Variants in TMED5 observed in about 807,000 individuals in gnomAD.
TMED5 encodes transmembrane p24 trafficking protein 5.
A neutral mutation model predicts 23.0 loss-of-function variants in TMED5; 27 were observed. The observed-to-expected ratio is 1.17, with a 90% CI of 0.86 to 1.62. TMED5 has a LOEUF of 1.62. Ranked by LOEUF, TMED5 falls within the 40% of genes most tolerant of loss-of-function variation. The pLI, the probability that TMED5 is intolerant of heterozygous loss-of-function variation, is 0.00. For synonymous variants in TMED5, 97 were observed against 100.8 expected (o/e 0.96, Z 0.23); for missense variants, 248 against 273.7 (o/e 0.91, Z 0.66).
intron 1 of TMED5, among the ~76,000 whole-genome samples, chr1:93,165,215 T>C (rs949734416): frequency 6.6e-6 from 1 of 152,210 alleles, no homozygotes; most frequent in Non-Finnish European, 1.5e-5. Context: ...TGGCAGAAAC[T>C]AAAGCTAGTA....
At position 93,149,910 on chromosome 1, in the gene TMED5, G is replaced by C. The variant is rs1330480343; in HGVS notation, c.*4760C>G. The C allele has an allele frequency of 1.3e-5, 2 of 152,154 alleles. No individual in the cohort carries two copies. The highest frequency in any genetic ancestry group is 1.5e-5 in the Non-Finnish European group (1 of 68,036). 9.4% of individuals were successfully genotyped at this position (152,154 alleles called of 1,614,324 possible). A position where few individuals can be genotyped will look rare whatever the true frequency, so the allele number is the denominator to read the frequency against. Reference sequence around the variant, plus strand: ...CTCACGCCTGTAATCTCAGCACTTGGGAAGTTGAGGCGGGCACATCACTTG... The same window carrying C: ...CTCACGCCTGTAATCTCAGCACTTGCGAAGTTGAGGCGGGCACATCACTTG... On this transcript the variant is annotated 3_prime_UTR_variant, in exon 4 of 4. Coordinates refer to ENST00000370282, the MANE Select transcript of TMED5 (RefSeq NM_016040.5).
chr1:93,178,972 C>T (rs1046499472), intron 1 of TMED5, among the ~76,000 whole-genome samples: 3 of 152,288 alleles, frequency 2.0e-5, no homozygotes, highest in African/African-American at 7.2e-5. Context: ...TCGGAATTTG[C>T]TGTGGAACGA....
intron 1 of TMED5, among the ~76,000 whole-genome samples, chr1:93,178,568 C>G (rs926777182): frequency 6.6e-6 from 1 of 152,068 alleles, no homozygotes; most frequent in African/African-American, 2.4e-5. Flanking sequence ...TACCTACATC[C>G]CGCACAACCC....
intron 1 of TMED5, among the ~76,000 whole-genome samples, chr1:93,170,760 C>CT (rs1388551163): frequency 6.6e-6 from 1 of 152,218 alleles, no homozygotes; most frequent in Non-Finnish European, 1.5e-5. Flanking sequence ...AATCAGCACT[C>CT]TGTGTCTAGC....
At chr1:93,168,630 T>G (rs1325957404) in intron 1 of TMED5, among the ~76,000 whole-genome samples, 2 of 151,936 alleles carry the variant, frequency 1.3e-5, no homozygotes, top group Non-Finnish European at 2.9e-5. Flanking sequence ...GGTCAGGAGA[T>G]TGAGACCATC....
At position 93,151,373 on chromosome 1, in the gene TMED5, A is replaced by G. The variant is rs766262978; in HGVS notation, c.*3297T>C. The G allele has an allele frequency of 1.3e-5, 2 of 152,208 alleles. No individual in the cohort carries two copies. Among genetic ancestry groups the G allele is most frequent in the Non-Finnish European group, 2.9e-5 (2 of 68,042 alleles). 9.4% of individuals were successfully genotyped at this position (152,208 alleles called of 1,614,324 possible). A position where few individuals can be genotyped will look rare whatever the true frequency, so the allele number is the denominator to read the frequency against. Reference sequence around the variant, plus strand: ...TTCCTATATGCTAACAAGTTTTAAGATGTTTCTGAACAAGTTTTAAAATAT... The same window carrying G: ...TTCCTATATGCTAACAAGTTTTAAGGTGTTTCTGAACAAGTTTTAAAATAT... On this transcript the variant is annotated 3_prime_UTR_variant, in exon 4 of 4. Coordinates refer to ENST00000370282, the MANE Select transcript of TMED5 (RefSeq NM_016040.5).
At chr1:93,158,874 C>T (rs1258190333) in intron 2 of TMED5, 5 of 948,164 alleles carry the variant, frequency 5.3e-6, no homozygotes, top group Non-Finnish European at 6.3e-6. Context: ...CCCATTTTTA[C>T]TTCTTATACA....
rs1311769890 is a variant in TMED5 at position 93,154,527 on chromosome 1, T to A, written c.*143A>T. The A allele has an allele frequency of 4.9e-5, 31 of 628,904 alleles. No homozygotes were observed. Among genetic ancestry groups the A allele is most frequent in the Non-Finnish European group, 7.9e-5 (29 of 365,530 alleles). The allele number at this position is 628,904 out of a possible 1,614,324, so 39.0% of individuals were successfully genotyped here. A position where few individuals can be genotyped will look rare whatever the true frequency, so the allele number is the denominator to read the frequency against. Reference sequence around the variant, plus strand: ...GATTACTTGCACAGAAAGTGAAGACTTAATTTTCACATTAAAATTATACCT... The same window carrying A: ...GATTACTTGCACAGAAAGTGAAGACATAATTTTCACATTAAAATTATACCT... On this transcript the variant is annotated 3_prime_UTR_variant, in exon 4 of 4. Coordinates refer to ENST00000370282, the MANE Select transcript of TMED5 (RefSeq NM_016040.5).
At chr1:93,170,944 G>A (rs993958860) in intron 1 of TMED5, among the ~76,000 whole-genome samples, 6 of 152,162 alleles carry the variant, frequency 3.9e-5, no homozygotes, top group Non-Finnish European at 7.4e-5. Context: ...ACCAATCAGC[G>A]AAATGTGGGT....
At chr1:93,177,185 T>C (rs1439714953) in intron 1 of TMED5, among the ~76,000 whole-genome samples, 1 of 152,150 alleles carries the variant, frequency 6.6e-6, no homozygotes, top group Non-Finnish European at 1.5e-5. Context: ...TGGAAGATGA[T>C]AGTTACCCTA....
At chr1:93,156,928 G>T (rs1304400855) in intron 2 of TMED5, among the ~76,000 whole-genome samples, 2 of 151,892 alleles carry the variant, frequency 1.3e-5, no homozygotes, top group East Asian at 3.8e-4. Flanking sequence ...AATTTCTTGG[G>T]AAAGAAGCAA....
chr1:93,178,425 G>A (rs79579205), intron 1 of TMED5, among the ~76,000 whole-genome samples: 3,786 of 152,134 alleles, frequency 0.025, 133 homozygotes, highest in African/African-American at 0.081. Context: ...ATTTTCTCCA[G>A]GAATCCTCTT....
rs761144931 is a variant in TMED5, at chr1:93,160,227, C to G, written c.190-1G>C. 1 of 1,593,458 alleles carries G rather than the reference C, an allele frequency of 6.3e-7. No homozygotes were observed. Among genetic ancestry groups the G allele is most frequent in the East Asian group, 2.2e-5 (1 of 44,684 alleles). On this transcript the variant is annotated splice_acceptor_variant, in intron 1 of 3. Transcript: ENST00000370282. LOFTEE classifies it high-confidence loss of function. ...TATCTAATCCTGCTCCATCTAAAAC[C>G]TGTAGAAAAGCATACATGAGAAAAA...
chr1:93,179,969 C>A, intron 1 of TMED5, 85 bp downstream of exon 1: 1 of 1,408,788 alleles, frequency 7.1e-7, no homozygotes, highest in Non-Finnish European at 9.6e-7. Context: ...CAGGGCCGTC[C>A]ACCAGAAGTT....
At chr1:93,155,908 GT>G in intron 3 of TMED5, 1 of 509,584 alleles carries the variant, frequency 2.0e-6, no homozygotes. Context: ...AACACCCAAT[GT>G]TTTAATACCA....
intron 1 of TMED5, among the ~76,000 whole-genome samples, chr1:93,175,175 T>TTTTATATATA (rs1553160148): frequency 4.2e-5 from 5 of 119,840 alleles, no homozygotes; most frequent in Non-Finnish European, 6.4e-5. Flanking sequence ...TAAAAGCCAT[T>TTTTATATATA]TATATATATA....
At position 93,172,194 on chromosome 1, in the gene TMED5, T is replaced by C. The variant is rs534678597; in HGVS notation, c.189+7860A>G. Among the ~76,000 whole-genome samples, 7 of 152,146 alleles carry C rather than the reference T, an allele frequency of 4.6e-5. No homozygotes were observed. The East Asian group carries it at 1.4e-3, about 29-fold the overall frequency. On this transcript the variant is annotated intron_variant, in intron 1 of 3. Transcript: ENST00000370282. Reference sequence around the variant, plus strand: ...CTCCCTCATTACTCCTACTCAGCACTATACTGGAAGCTCGAGCTAATGTAA... The same window carrying C: ...CTCCCTCATTACTCCTACTCAGCACCATACTGGAAGCTCGAGCTAATGTAA...
Position 93,149,996 on chromosome 1 carries a change from A to G in TMED5, c.*4674T>C, listed in dbSNP as rs531707475. The G allele has an allele frequency of 6.6e-6, 1 of 152,286 alleles. No homozygotes were observed. The highest frequency in any genetic ancestry group is 1.5e-5 in the Non-Finnish European group (1 of 68,028). 9.4% of individuals were successfully genotyped at this position (152,286 alleles called of 1,614,324 possible). A position where few individuals can be genotyped will look rare whatever the true frequency, so the allele number is the denominator to read the frequency against. Reference sequence around the variant, plus strand: ...CGAAATTAATTAGTCAGAAATATGTATATACCAACATACTAATATGTTTCA... The same window carrying G: ...CGAAATTAATTAGTCAGAAATATGTGTATACCAACATACTAATATGTTTCA... On this transcript the variant is annotated 3_prime_UTR_variant, in exon 4 of 4. Transcript: ENST00000370282.
At chr1:93,179,284 C>G (rs1183401084) in intron 1 of TMED5, among the ~76,000 whole-genome samples, 1 of 151,190 alleles carries the variant, frequency 6.6e-6, no homozygotes, top group African/African-American at 2.4e-5. Flanking sequence ...ATCGCTTGAA[C>G]CCGGGAGGCG....
Sources: gnomAD v4.1 joint callset for allele counts (sites outside exome capture counted in the v4.1 genomes callset) on GRCh38, gnomAD v4.1.1 for gene constraint, MANE v1.5 for transcripts, NCBI Gene and HGNC (gene_info 2026-07-23, HGNC 2026-07-21) for gene names.